Variants in PRKG1 observed in about 807,000 individuals in gnomAD.
PRKG1 encodes protein kinase cGMP-dependent 1.
A neutral mutation model predicts 88.1 loss-of-function variants in PRKG1; 35 were observed. The observed-to-expected ratio is 0.40, with a 90% CI of 0.30 to 0.53. PRKG1 has a LOEUF of 0.53. PRKG1 is among the 20% of genes least tolerant of loss of function. PRKG1 has a pLI of 0.59. For missense variants in PRKG1, 540 were observed against 839.8 expected, an observed-to-expected ratio of 0.64 and a Z score of 4.41; for synonymous variants, 303 against 292.5, an observed-to-expected ratio of 1.04 and a Z score of -0.37.
intron 9 of PRKG1, among the ~76,000 whole-genome samples, chr10:52,220,614 T>C (rs1237481163): frequency 6.6e-6 from 1 of 152,118 alleles, no homozygotes; most frequent in African/African-American, 2.4e-5. Flanking sequence ...TTCCCCTCTA[T>C]GTGTCTATGT....
At chr10:51,467,927 T>G (rs900047818) in intron 3 of PRKG1, 91 bp downstream of exon 3, 3 of 1,043,198 alleles carry the variant, frequency 2.9e-6, no homozygotes, top group Non-Finnish European at 4.4e-6. Context: ...ATTTAATCTT[T>G]ATACTTTTAT....
At chr10:52,033,029 T>C (rs1247102681) in intron 5 of PRKG1, among the ~76,000 whole-genome samples, 1 of 152,180 alleles carries the variant, frequency 6.6e-6, no homozygotes, top group Non-Finnish European at 1.5e-5. Flanking sequence ...ATGTGGGCTT[T>C]ATCCTAGCAG....
At chr10:52,028,841 C>T (rs1845407128) in intron 5 of PRKG1, among the ~76,000 whole-genome samples, 1 of 152,080 alleles carries the variant, frequency 6.6e-6, no homozygotes, top group Non-Finnish European at 1.5e-5. Flanking sequence ...TAGAAATGAA[C>T]AATAATGTTG....
chr10:51,796,421 T>C (rs1044858416), intron 3 of PRKG1, among the ~76,000 whole-genome samples: 5 of 152,122 alleles, frequency 3.3e-5, no homozygotes, highest in African/African-American at 1.2e-4. Context: ...ACATACTTTT[T>C]TCATACCATC....
chr10:51,699,591 C>G (rs1183024455), intron 3 of PRKG1: 1 of 1,567,356 alleles, frequency 6.4e-7, no homozygotes, highest in Non-Finnish European at 8.6e-7. Flanking sequence ...TTCTTCGAGG[C>G]GTCTGTCCTC....
At chr10:51,595,157 G>A (rs1285998347) in intron 3 of PRKG1, among the ~76,000 whole-genome samples, 2 of 152,106 alleles carry the variant, frequency 1.3e-5, no homozygotes, top group African/African-American at 4.8e-5. Flanking sequence ...GACCAGTCTA[G>A]GCAACATAGT....
intron 1 of PRKG1, among the ~76,000 whole-genome samples, chr10:51,116,296 G>A (rs1160256717): frequency 6.6e-6 from 1 of 152,072 alleles, no homozygotes; most frequent in East Asian, 1.9e-4. Context: ...TCTTGAAGAA[G>A]AGAAACAAAA....
chr10:52,089,167 T>G (rs1477491402), intron 7 of PRKG1, among the ~76,000 whole-genome samples: 1 of 152,156 alleles, frequency 6.6e-6, no homozygotes, highest in Non-Finnish European at 1.5e-5. Context: ...AATTCCAAAT[T>G]ATGCTGAGCT....
intron 3 of PRKG1, among the ~76,000 whole-genome samples, chr10:51,555,430 T>A (rs769277852): frequency 1.3e-5 from 2 of 151,942 alleles, no homozygotes; most frequent in Non-Finnish European, 2.9e-5. Flanking sequence ...GAAATTGTCT[T>A]TATTGAAGAA....
At chr10:52,036,978 C>T (rs1243109041) in intron 5 of PRKG1, among the ~76,000 whole-genome samples, 2 of 152,400 alleles carry the variant, frequency 1.3e-5, no homozygotes, top group African/African-American at 2.4e-5. Flanking sequence ...ACCGGAAGCT[C>T]GGCGTCTGTG....
chr10:51,740,164 A>T (rs937185664), intron 3 of PRKG1, among the ~76,000 whole-genome samples: 13 of 152,096 alleles, frequency 8.5e-5, no homozygotes, highest in Non-Finnish European at 7.4e-5. Context: ...GGTAGCTGGG[A>T]CTACTGACAC....
chr10:51,379,222 T>A (rs995259483), intron 2 of PRKG1, among the ~76,000 whole-genome samples: 1 of 152,214 alleles, frequency 6.6e-6, no homozygotes, highest in Non-Finnish European at 1.5e-5. Flanking sequence ...CCTTGTGATG[T>A]CTGGCACAAG....
chr10:51,453,211 C>A (rs975421732), intron 2 of PRKG1, among the ~76,000 whole-genome samples: 1 of 151,898 alleles, frequency 6.6e-6, no homozygotes, highest in Non-Finnish European at 1.5e-5. Context: ...ACTAAATGGT[C>A]TATCAGTTTG....
At chr10:51,934,816 T>A (rs1367414118) in intron 5 of PRKG1, among the ~76,000 whole-genome samples, 2 of 152,182 alleles carry the variant, frequency 1.3e-5, no homozygotes, top group Non-Finnish European at 2.9e-5. Flanking sequence ...GTCAATTATG[T>A]CTGAGCAATT....
chr10:51,322,725 T>C (rs1039199774), intron 2 of PRKG1, among the ~76,000 whole-genome samples: 2 of 152,174 alleles, frequency 1.3e-5, no homozygotes, highest in Non-Finnish European at 2.9e-5. Flanking sequence ...ATGAGCTCTT[T>C]TAAAAACTAA....
chr10:51,940,602 G>C (rs1357980288), intron 5 of PRKG1, among the ~76,000 whole-genome samples: 1 of 151,866 alleles, frequency 6.6e-6, no homozygotes, highest in Non-Finnish European at 1.5e-5. Flanking sequence ...TTTCACCAAA[G>C]CTGAGTGGGA....
At chr10:51,080,073 A>G (rs1272111089) in intron 1 of PRKG1, among the ~76,000 whole-genome samples, 1 of 152,196 alleles carries the variant, frequency 6.6e-6, no homozygotes, top group Admixed American at 6.5e-5. Context: ...ATGTTATTCT[A>G]ATAGAGTTTC....
chr10:51,523,795 A>C (rs936063449), intron 3 of PRKG1, among the ~76,000 whole-genome samples: 7 of 152,196 alleles, frequency 4.6e-5, no homozygotes, highest in Non-Finnish European at 1.0e-4. Flanking sequence ...CACACATAAC[A>C]CACAATGATC....
At chr10:51,564,934 T>G (rs910138675) in intron 3 of PRKG1, among the ~76,000 whole-genome samples, 2 of 152,080 alleles carry the variant, frequency 1.3e-5, no homozygotes, top group African/African-American at 4.8e-5. Flanking sequence ...GAGAATAGCA[T>G]TCTCCAATTT....
Sources: allele counts gnomAD v4.1 joint callset (sites outside exome capture counted in the v4.1 genomes callset), GRCh38; gene constraint gnomAD v4.1.1; transcripts MANE v1.5; gene names NCBI Gene and HGNC (gene_info 2026-07-23, HGNC 2026-07-21).